SLC6A12: variants seen among roughly 807,000 people sequenced by gnomAD.
SLC6A12 encodes solute carrier family 6 member 12.
In SLC6A12, 50 loss-of-function variants were observed where a neutral mutation model predicts 73.3. The observed-to-expected ratio is 0.68, with a 90% CI of 0.54 to 0.86. The LOEUF is 0.86. Ranked by LOEUF, SLC6A12 falls within the 40% of genes least tolerant of loss-of-function variation. SLC6A12 has a pLI of 0.00. For synonymous variants in SLC6A12, 304 were observed against 309.2 expected (o/e 0.98, Z 0.18); for missense variants, 648 against 772.8 (o/e 0.84, Z 1.92).
At chr12:196,489 G>A (rs966371558) in intron 11 of SLC6A12, among the ~76,000 whole-genome samples, 3 of 152,214 alleles carry the variant, frequency 2.0e-5, no homozygotes, top group African/African-American at 4.8e-5. Flanking sequence ...TTCTGTCCCC[G>A]AGGCTCAGGG....
At chr12:206,854 G>A (rs184150340) in intron 3 of SLC6A12, among the ~76,000 whole-genome samples, 45 of 152,382 alleles carry the variant, frequency 3.0e-4, no homozygotes, top group African/African-American at 1.0e-3. Flanking sequence ...CAGGATGTCT[G>A]TCAGGGCGTG....
At position 198,540 on chromosome 12, in the gene SLC6A12, G is replaced by C; in HGVS notation, c.846+257C>G. 2.8e-6 allele frequency: 1 copy of C among 362,266 alleles called. No homozygotes were observed. Among genetic ancestry groups the C allele is most frequent in the East Asian group, 5.4e-5 (1 of 18,378 alleles). 22.4% of individuals were successfully genotyped at this position (362,266 alleles called of 1,614,324 possible). On this transcript the variant is annotated intron_variant, in intron 8 of 15. Transcript: ENST00000684302. The surrounding 1 kb of genome is among the most constrained non-coding windows in gnomAD (Gnocchi z 4.0). ...GATGGCACCACTGCACTCCAGCCTGGGGGACAGAGCCAGACCCTGCCTGTC... is the reference window on the plus strand; with the variant it reads ...GATGGCACCACTGCACTCCAGCCTGCGGGACAGAGCCAGACCCTGCCTGTC...
intron 6 of SLC6A12, chr12:201,346 G>A (rs941802078): frequency 3.6e-5 from 8 of 219,786 alleles, no homozygotes; most frequent in Non-Finnish European, 3.6e-5. Flanking sequence ...GAGTGTGTGA[G>A]TGGAGGGTGT....
At chr12:195,515 A>G (rs1364069227) in intron 12 of SLC6A12, among the ~76,000 whole-genome samples, 188 bp from the exon 13 acceptor site, 1 of 152,182 alleles carries the variant, frequency 6.6e-6, no homozygotes, top group Non-Finnish European at 1.5e-5. Flanking sequence ...CATCAGGACA[A>G]TAACCTCTGG....
In SLC6A12 at chr12:209,930, G is replaced by A. The variant is rs149082163; in HGVS notation, c.57C>T (p.Pro19=). 6.1e-5 allele frequency: 98 copies of A among 1,614,098 alleles called. No individual in the cohort carries two copies. In the East Asian group the frequency reaches 1.5e-3, roughly 25 times the overall value. Reference sequence around the variant, plus strand: ...CCTGGTCCAACTTCTCTCCCTCCTCGGGGACCCAGGAGACTGCAGGAGGCC... The same window carrying A: ...CCTGGTCCAACTTCTCTCCCTCCTCAGGGACCCAGGAGACTGCAGGAGGCC... The part of the protein sequence containing the change: ...ECGPPAVSWV[P]EEGEKLDQED... The change falls in exon 3 of 16, where the codon CCC becomes CCT. Residue 19 remains proline (P), a synonymous_variant. Transcript: ENST00000684302.
intron 1 of SLC6A12, among the ~76,000 whole-genome samples, chr12:212,589 C>G (rs538678328): frequency 1.4e-4 from 21 of 151,864 alleles, no homozygotes; most frequent in Non-Finnish European, 2.8e-4. Context: ...AAATCCAGAA[C>G]GGCAGAATGA....
intron 10 of SLC6A12, among the ~76,000 whole-genome samples, 181 bp downstream of exon 10, chr12:197,189 CCATCCAT>C (rs1939956365): frequency 7.4e-6 from 1 of 134,602 alleles, no homozygotes; most frequent in Non-Finnish European, 1.7e-5. Context: ...ATCCATCCAT[CCATCCAT>C]TCATCCATCC....
chr12:189,049 G>A (rs57489563), downstream of SLC6A12, among the ~76,000 whole-genome samples: 1,468 of 152,342 alleles, frequency 9.6e-3, 68 homozygotes, highest in East Asian at 0.1. Flanking sequence ...GAAGGAATCT[G>A]AAAGAGGGCT....
At chr12:187,591 A>AAAAAAAAAAAAAAAAAAAAAAC (rs1939455003), downstream of SLC6A12, among the ~76,000 whole-genome samples, 1 of 4,570 alleles carries the variant, frequency 2.2e-4, no homozygotes, top group Non-Finnish European at 2.9e-3. Context: ...CAAAAGAGCA[A>AAAAAAAAAAAAAAAAAAAAAAC]AAAAAAAAAA....
chr12:187,616 AAAAAAAAAAAAAAAACAAAC>A (rs1939458019), downstream of SLC6A12, among the ~76,000 whole-genome samples: 4 of 15,336 alleles, frequency 2.6e-4, no homozygotes, highest in African/African-American at 4.1e-4. Context: ...AAAAAAAAAA[AAAAAAAAAAAAAAAACAAAC>A]CACACACACA....
chr12:203,815 G>A (rs905920565), intron 4 of SLC6A12: 2 of 149,222 alleles, frequency 1.3e-5, no homozygotes, highest in Admixed American at 6.7e-5. Flanking sequence ...GGGGCGCGCG[G>A]GGGCGCGCCT....
intron 3 of SLC6A12, chr12:204,965 A>G (rs1940552878): frequency 2.5e-6 from 1 of 407,610 alleles, no homozygotes; most frequent in Non-Finnish European, 4.5e-6. Context: ...ATTCTAATAT[A>G]TGCACTATTT....
the SLC6A12 span, among the ~76,000 whole-genome samples, chr12:184,202 C>T: frequency 6.6e-6 from 1 of 151,842 alleles, no homozygotes; most frequent in Non-Finnish European, 1.5e-5. Flanking sequence ...AGGAGAAAAA[C>T]AATATAATTA....
rs1565481423 is a variant in SLC6A12, at chr12:212,007, A to T, written c.-58+19T>A. The T allele has an allele frequency of 6.6e-6, 1 of 152,230 alleles. No homozygotes were observed. The highest frequency in any genetic ancestry group is 1.5e-5 in the Non-Finnish European group (1 of 68,034). The allele number at this position is 152,230 out of a possible 1,614,324, so 9.4% of individuals were successfully genotyped here. A position where few individuals can be genotyped will look rare whatever the true frequency, so the allele number is the denominator to read the frequency against. ...GCAGCGCCTGGGGGACACTGTTCTC[A>T]ATGCTAGAATACACTTACCAAGACA... On this transcript the variant is annotated intron_variant, in intron 2 of 15. Coordinates refer to ENST00000684302, the MANE Select transcript of SLC6A12 (RefSeq NM_001122848.3).
At chr12:186,428 A>G (rs759225452), downstream of SLC6A12, among the ~76,000 whole-genome samples, 14 of 152,238 alleles carry the variant, frequency 9.2e-5, no homozygotes, top group African/African-American at 3.4e-4. Flanking sequence ...CTTACGGCTT[A>G]AAACAACCAT....
downstream of SLC6A12, among the ~76,000 whole-genome samples, chr12:185,490 C>T (rs950245489): frequency 6.6e-6 from 1 of 152,206 alleles, no homozygotes; most frequent in Admixed American, 6.5e-5. Flanking sequence ...GACAGCCACC[C>T]TCTGTGTGTT....
downstream of SLC6A12, among the ~76,000 whole-genome samples, chr12:185,885 C>T (rs1436046742): frequency 2.0e-5 from 3 of 152,370 alleles, no homozygotes; most frequent in South Asian, 2.1e-4. Flanking sequence ...CACATCCTCC[C>T]ATGGCCGCTG....
Position 198,845 on chromosome 12 carries a change from G to A in SLC6A12, c.798C>T (p.Gly266=), listed in dbSNP as rs754843114. The A allele has an allele frequency of 1.2e-6, 2 of 1,614,154 alleles. No individual in the cohort carries two copies. Among genetic ancestry groups the A allele is most frequent in the Admixed American group, 3.3e-5 (2 of 60,026 alleles). The part of the protein sequence containing the change: ...RGVTLPGAYQ[G]IIYYLKPDLF... ...AATCTGGCTTCAAGTAGTAGATGAT[G>A]CCCTGGTAGGCTCCGGGAAGGGTGA... Residue 266 remains glycine, a synonymous_variant, in exon 8 of 16, where the codon GGC becomes GGT. Transcript: ENST00000684302. The surrounding 1 kb of genome is among the most constrained non-coding windows in gnomAD (Gnocchi z 4.0).
Position 195,231 on chromosome 12 carries a change from C to T in SLC6A12, c.1423G>A (p.Val475Met), listed in dbSNP as rs1354817882. ...SLFEVVCISW[V>M]YGADRFYDNI... is the part of the protein sequence containing the mutation. ...CCCACTCCACCCCACTCACCATACACCCAGCTTATGCAGACCACTTCAAAC... is the reference window on the plus strand; with the variant it reads ...CCCACTCCACCCCACTCACCATACATCCAGCTTATGCAGACCACTTCAAAC... The change falls in exon 13 of 16, where the codon GTG becomes ATG. Residue 475 changes from valine (V) to methionine (M), a missense_variant. Val to Met is a conservative substitution (Grantham distance 21, BLOSUM62 1). Transcript: ENST00000684302. 3.1e-6 allele frequency: 5 copies of T among 1,598,230 alleles called. No individual in the cohort carries two copies. Among genetic ancestry groups the T allele is most frequent in the Non-Finnish European group, 3.4e-6 (4 of 1,165,642 alleles).
Sources: gnomAD v4.1 joint callset for allele counts (sites outside exome capture counted in the v4.1 genomes callset) on GRCh38, gnomAD v4.1.1 for gene constraint, Gnocchi (gnomAD v3.1) non-coding constraint, MANE v1.5 for transcripts, NCBI Gene and HGNC (gene_info 2026-07-23, HGNC 2026-07-21) for gene names.